AKAP19: variants seen among roughly 807,000 people sequenced by gnomAD.
AKAP19 encodes small A-kinase anchoring protein.
the AKAP19 span, among the ~76,000 whole-genome samples, chr2:189,968,919 C>T: frequency 6.6e-6 from 1 of 151,788 alleles, no homozygotes; most frequent in Non-Finnish European, 1.5e-5. Flanking sequence ...TAGTATAATA[C>T]ATATTATAGA....
chr2:190,081,121 G>T, the AKAP19 span, among the ~76,000 whole-genome samples: 2 of 152,074 alleles, frequency 1.3e-5, no homozygotes, highest in African/African-American at 4.8e-5. Flanking sequence ...GTTGTCTTTT[G>T]GTGGAGGAGA....
the AKAP19 span, among the ~76,000 whole-genome samples, chr2:190,196,715 G>A: frequency 6.6e-6 from 1 of 151,992 alleles, no homozygotes; most frequent in Non-Finnish European, 1.5e-5. Context: ...GTCAAATGTG[G>A]TCCATAGGCT....
the AKAP19 span, among the ~76,000 whole-genome samples, chr2:190,117,906 G>A: frequency 4.6e-5 from 7 of 152,250 alleles, no homozygotes; most frequent in Admixed American, 3.3e-4. Context: ...GCTAACGTAG[G>A]CTGCTGGTAC....
the AKAP19 span, among the ~76,000 whole-genome samples, chr2:190,115,610 C>T: frequency 4.6e-5 from 7 of 151,786 alleles, no homozygotes; most frequent in Admixed American, 1.3e-4. Context: ...TGAGCCACCG[C>T]GCCCGGCCAA....
chr2:189,881,658 G>A, the AKAP19 span, among the ~76,000 whole-genome samples: 2 of 152,086 alleles, frequency 1.3e-5, no homozygotes, highest in African/African-American at 4.8e-5. Context: ...CGAAAGCACA[G>A]CTTAGTTTTC....
At chr2:189,900,569 C>A in the AKAP19 span, among the ~76,000 whole-genome samples, 15 of 152,056 alleles carry the variant, frequency 9.9e-5, no homozygotes, top group Non-Finnish European at 1.9e-4. Flanking sequence ...ATTAGTAATT[C>A]TATTTTTCTT....
the AKAP19 span, among the ~76,000 whole-genome samples, chr2:190,042,901 C>A: frequency 6.6e-6 from 1 of 152,114 alleles, no homozygotes. Flanking sequence ...GTAATGAAGT[C>A]CCTCAACATT....
At chr2:190,037,907 T>G in the AKAP19 span, among the ~76,000 whole-genome samples, 1 of 152,062 alleles carries the variant, frequency 6.6e-6, no homozygotes, top group South Asian at 2.1e-4. Flanking sequence ...AATGAAAAAT[T>G]TAGGGTTTTT....
the AKAP19 span, among the ~76,000 whole-genome samples, chr2:189,999,970 T>A: frequency 1.3e-5 from 2 of 152,206 alleles, no homozygotes; most frequent in African/African-American, 4.8e-5. Flanking sequence ...ACGTAGGCAA[T>A]AAAATGGACT....
the AKAP19 span, among the ~76,000 whole-genome samples, chr2:190,063,881 T>C: frequency 6.6e-6 from 1 of 152,070 alleles, no homozygotes; most frequent in African/African-American, 2.4e-5. Flanking sequence ...TCTAGTCAAA[T>C]GAACTATTAA....
At chr2:189,881,705 G>GA in the AKAP19 span, among the ~76,000 whole-genome samples, 2 of 151,890 alleles carry the variant, frequency 1.3e-5, no homozygotes, top group Admixed American at 1.3e-4. Flanking sequence ...GAAAAAGAAG[G>GA]AAAAAAATTG....
chr2:189,945,489 A>T, the AKAP19 span, among the ~76,000 whole-genome samples: 1 of 152,232 alleles, frequency 6.6e-6, no homozygotes, highest in East Asian at 1.9e-4. Flanking sequence ...AGCCAGAGTC[A>T]CCCAACTAAG....
At chr2:189,886,364 T>G in the AKAP19 span, among the ~76,000 whole-genome samples, 1 of 152,224 alleles carries the variant, frequency 6.6e-6, no homozygotes. Flanking sequence ...CCCACAGTAG[T>G]TCTTGAGGCA....
the AKAP19 span, among the ~76,000 whole-genome samples, chr2:190,069,170 G>C: frequency 4.8e-5 from 7 of 146,452 alleles, no homozygotes; most frequent in East Asian, 2.0e-4. Context: ...GTGTGTGTGT[G>C]TGTGTGAGAG....
the AKAP19 span, among the ~76,000 whole-genome samples, chr2:190,145,046 A>C: frequency 6.6e-6 from 1 of 152,170 alleles, no homozygotes; most frequent in Non-Finnish European, 1.5e-5. Flanking sequence ...GCACTTTGAG[A>C]GGCTAAGATG....
At chr2:189,984,337 C>T in the AKAP19 span, among the ~76,000 whole-genome samples, 7 of 152,118 alleles carry the variant, frequency 4.6e-5, no homozygotes, top group Non-Finnish European at 7.3e-5. Flanking sequence ...TTCTCAGGGA[C>T]GTTCCATGCC....
the AKAP19 span, among the ~76,000 whole-genome samples, chr2:189,937,691 C>A: frequency 6.6e-6 from 1 of 152,006 alleles, no homozygotes; most frequent in Non-Finnish European, 1.5e-5. Flanking sequence ...CAGAGAAATG[C>A]AAATCAAAAC....
the AKAP19 span, chr2:190,181,083 G>T: frequency 3.0e-6 from 3 of 985,632 alleles, no homozygotes; most frequent in Non-Finnish European, 3.6e-6. Context: ...CGTGCCATGG[G>T]CGCGCAGCTG....
chr2:189,944,942 T>TATGAAAGTATGAAATCA, the AKAP19 span, among the ~76,000 whole-genome samples: 10 of 152,058 alleles, frequency 6.6e-5, no homozygotes, highest in South Asian at 1.9e-3. Flanking sequence ...AAAAAATGAA[T>TATGAAAGTATGAAATCA]GTTAGAAAGT....
Sources: allele counts gnomAD v4.1 joint callset (sites outside exome capture counted in the v4.1 genomes callset), GRCh38; gene constraint gnomAD v4.1.1; transcripts MANE v1.5; gene names NCBI Gene and HGNC (gene_info 2026-07-23, HGNC 2026-07-21).